GGNBP2: variants seen among roughly 807,000 people sequenced by gnomAD.
The protein encoded by GGNBP2 is gametogenetin binding protein 2, also known as gametogenetin-binding protein 2.
A neutral mutation model predicts 85.9 loss-of-function variants in GGNBP2; 10 were observed. The ratio of observed to expected loss-of-function variants is 0.12; its 90% CI spans 0.07 to 0.20. The LOEUF is 0.20. Ranked by LOEUF, GGNBP2 falls within the 10% of genes least tolerant of loss-of-function variation. GGNBP2 has a pLI of 1.00. For missense variants in GGNBP2, 595 were observed against 857.8 expected (o/e 0.69, Z 3.83); for synonymous variants, 287 against 285.7 (o/e 1.00, Z -0.05).
chr17:36,552,509 GT>G (rs1381843703), intron 2 of GGNBP2, among the ~76,000 whole-genome samples: 1 of 149,492 alleles, frequency 6.7e-6, no homozygotes, highest in East Asian at 2.0e-4. Context: ...GCTTTGTGCT[GT>G]TGATAAAGTT....
chr17:36,583,199 G>A (rs8076859), intron 9 of GGNBP2, among the ~76,000 whole-genome samples: 1,649 of 152,066 alleles, frequency 0.011, 23 homozygotes, highest in African/African-American at 0.038. Flanking sequence ...GGCTACAGGC[G>A]TGTGCCACCA....
intron 4 of GGNBP2, among the ~76,000 whole-genome samples, chr17:36,559,296 CAAAAAAA>C (rs892895973): frequency 6.7e-4 from 21 of 31,498 alleles, no homozygotes; most frequent in Non-Finnish European, 4.9e-4. Context: ...GACTCTGTCT[CAAAAAAA>C]AAAAAAAAAA....
chr17:36,588,878 A>ACGT (rs369998783), intron 13 of GGNBP2, among the ~76,000 whole-genome samples: 1 of 151,452 alleles, frequency 6.6e-6, no homozygotes, highest in African/African-American at 2.4e-5. Context: ...AACTGGAGAT[A>ACGT]CGTCTGGCTA....
intron 6 of GGNBP2, 105 bp downstream of exon 6, chr17:36,567,881 C>A: frequency 3.5e-6 from 2 of 574,052 alleles, no homozygotes; most frequent in Admixed American, 3.2e-5. Context: ...TTCTAGCCTT[C>A]CCTTTAATAC....
chr17:36,549,827 T>C (rs1043447955), intron 2 of GGNBP2, among the ~76,000 whole-genome samples: 1 of 152,200 alleles, frequency 6.6e-6, no homozygotes, highest in African/African-American at 2.4e-5. Flanking sequence ...AATGCAAAAA[T>C]CTTTGCATTA....
Position 36,589,575 on chromosome 17 carries a change from C to A in GGNBP2, c.*164C>A. 1.6e-6 allele frequency: 1 copy of A among 612,838 alleles called. No individual in the cohort carries two copies. The highest frequency in any genetic ancestry group is 3.0e-5 in the Admixed American group (1 of 33,754). 38.0% of individuals were successfully genotyped at this position (612,838 alleles called of 1,614,324 possible). ...GTGGAGGTATCCTCATTAGTTCTTT[C>A]TTCAGGCTTGTGTCTTTAGTTGCGT... On this transcript the variant is annotated 3_prime_UTR_variant, in exon 14 of 14. Coordinates refer to ENST00000613102, the MANE Select transcript of GGNBP2 (RefSeq NM_024835.5).
At chr17:36,582,345 C>T (rs1008501186) in intron 9 of GGNBP2, 3 of 152,144 alleles carry the variant, frequency 2.0e-5, no homozygotes, top group African/African-American at 7.2e-5. Context: ...AAGATCGCTC[C>T]ACTGCAGTCC....
At chr17:36,587,276 A>G in intron 13 of GGNBP2, 31 bp downstream of exon 13, 1 of 1,608,982 alleles carries the variant, frequency 6.2e-7, no homozygotes, top group Non-Finnish European at 8.5e-7. Flanking sequence ...TACTGTACAT[A>G]ACTGTTTGGG....
chr17:36,566,912 TCC>T (rs551355242), intron 5 of GGNBP2, among the ~76,000 whole-genome samples: 31 of 152,064 alleles, frequency 2.0e-4, no homozygotes, highest in African/African-American at 7.0e-4. Context: ...ACACCTGTAA[TCC>T]CAGTGCTTTG....
At chr17:36,583,534 C>G (rs2074672145) in intron 9 of GGNBP2, among the ~76,000 whole-genome samples, 1 of 152,080 alleles carries the variant, frequency 6.6e-6, no homozygotes, top group African/African-American at 2.4e-5. Context: ...TCTTGGTTCA[C>G]CGTAACTTCC....
chr17:36,586,850 C>T (rs2074706469), intron 12 of GGNBP2, 147 bp from the exon 13 acceptor site: 3 of 729,938 alleles, frequency 4.1e-6, no homozygotes, highest in Non-Finnish European at 2.2e-6. Context: ...AACACTTGAC[C>T]TCAGGTGATC....
intron 13 of GGNBP2, chr17:36,587,456 G>A (rs1243362498): frequency 1.7e-6 from 1 of 587,046 alleles, no homozygotes; most frequent in African/African-American, 1.9e-5. Context: ...GGCCGCCTCT[G>A]TCTCAGTAGA....
intron 2 of GGNBP2, among the ~76,000 whole-genome samples, chr17:36,553,353 C>A (rs1365543206): frequency 6.6e-6 from 1 of 152,156 alleles, no homozygotes; most frequent in Non-Finnish European, 1.5e-5. Flanking sequence ...CTTCATATAT[C>A]TCATATTCCT....
At chr17:36,584,952 C>CAAAAAAA (rs34371498) in intron 9 of GGNBP2, among the ~76,000 whole-genome samples, 1 of 122,126 alleles carries the variant, frequency 8.2e-6, no homozygotes. Context: ...AGACCGTACT[C>CAAAAAAA]AAAAAAAAAA....
intron 3 of GGNBP2, among the ~76,000 whole-genome samples, chr17:36,556,165 A>G (rs1212343182): frequency 1.3e-5 from 2 of 152,224 alleles, no homozygotes; most frequent in African/African-American, 4.8e-5. Context: ...ATTTCTCTGC[A>G]ACAGTAGCTC....
At chr17:36,548,760 G>A (rs866821839) in intron 2 of GGNBP2, among the ~76,000 whole-genome samples, 1 of 151,340 alleles carries the variant, frequency 6.6e-6, no homozygotes, top group Non-Finnish European at 1.5e-5. Context: ...CCTGGGCAAT[G>A]TGGTAAAAAC....
chr17:36,577,912 G>A lies in GGNBP2; in HGVS notation c.642-71G>A, dbSNP rs749888441. On this transcript the variant is annotated intron_variant, in intron 6 of 13. Transcript: ENST00000613102. The stretch of plus-strand genomic sequence containing the variant: ...AGATGGGAGAGAGTGCCATCATCTA[G>A]TACACTGTTATATGCCACAAGAAAT... 3 of 1,206,940 alleles carry A rather than the reference G, an allele frequency of 2.5e-6. No individual in the cohort carries two copies. In the East Asian group the frequency reaches 7.0e-5, roughly 28 times the overall value. 74.8% of individuals were successfully genotyped at this position (1,206,940 alleles called of 1,614,324 possible).
At chr17:36,581,631 G>A in intron 9 of GGNBP2, 93 bp downstream of exon 9, 1 of 928,838 alleles carries the variant, frequency 1.1e-6, no homozygotes, top group Non-Finnish European at 1.6e-6. Context: ...TGTGATCCCA[G>A]CACTTTGGGA....
At chr17:36,563,125 G>A (rs1189982404) in intron 5 of GGNBP2, among the ~76,000 whole-genome samples, 1 of 151,976 alleles carries the variant, frequency 6.6e-6, no homozygotes, top group Non-Finnish European at 1.5e-5. Context: ...AATTAGCCAG[G>A]CGTGGTGGCA....
Sources: gnomAD v4.1 joint callset for allele counts (sites outside exome capture counted in the v4.1 genomes callset) on GRCh38, gnomAD v4.1.1 for gene constraint, MANE v1.5 for transcripts, NCBI Gene and HGNC (gene_info 2026-07-23, HGNC 2026-07-21) for gene names.